CASK: variants seen among roughly 807,000 people sequenced by gnomAD.
CASK encodes calcium/calmodulin dependent serine protein kinase, also known as peripheral plasma membrane protein CASK.
In CASK, 4 loss-of-function variants were observed where a neutral mutation model predicts 82.9. That is an observed-to-expected ratio of 0.05 (90% CI 0.02 to 0.11). The LOEUF is 0.11. Among genes scored for constraint, CASK ranks in the 10% least tolerant of loss-of-function variants. CASK has a pLI of 1.00. For synonymous variants in CASK, 259 were observed against 253.5 expected, an observed-to-expected ratio of 1.02 and a Z score of -0.20; for missense variants, 358 against 720.9, an observed-to-expected ratio of 0.50 and a Z score of 5.76.
rs2070289123 is a variant in CASK, at chrX:41,811,636, G to A, written c.173-24353C>T. 3.6e-5 allele frequency among the ~76,000 whole-genome samples: 4 copies of A among 112,403 alleles called. No individual in the cohort carries two copies. The Admixed American group carries it at 3.8e-4, about 11-fold the overall frequency. ...CACTAAATGCCCACAAGAGAAAGCA[G>A]GAGAGATCTAAAATTGACACCCTAA... On this transcript the variant is annotated intron_variant, in intron 2 of 26. Coordinates refer to ENST00000378163, the MANE Select transcript of CASK (RefSeq NM_001367721.1).
At position 41,578,322 on chromosome X, in the gene CASK, C is replaced by A. The variant is rs749424020; in HGVS notation, c.1503+18G>T. The A allele has an allele frequency of 1.9e-5, 22 of 1,169,983 alleles. No homozygotes were observed. Among genetic ancestry groups the A allele is most frequent in the Non-Finnish European group, 2.6e-5 (22 of 858,517 alleles). On this transcript the variant is annotated intron_variant, in intron 15 of 26. Transcript: ENST00000378163. The stretch of plus-strand genomic sequence containing the variant: ...TGGGATCTTATGAGAGTATTGAAAA[C>A]TTTCTCTTCCTACTTACCATTGGTT...
At chrX:41,892,288 G>A (rs867262052) in intron 1 of CASK, among the ~76,000 whole-genome samples, 3 of 103,287 alleles carry the variant, frequency 2.9e-5, no homozygotes, top group Middle Eastern at 5.0e-3. Flanking sequence ...ATCTGATGTC[G>A]CCAAATATAC....
At chrX:41,909,585 A>C (rs1460920191) in intron 1 of CASK, among the ~76,000 whole-genome samples, 1 of 111,511 alleles carries the variant, frequency 9.0e-6, no homozygotes, top group Non-Finnish European at 1.9e-5. Context: ...AAAATCAAAG[A>C]AAAGTCAACA....
intron 1 of CASK, among the ~76,000 whole-genome samples, chrX:41,853,442 A>T (rs1449217732): frequency 1.8e-5 from 2 of 112,094 alleles, no homozygotes; most frequent in Non-Finnish European, 3.8e-5. Flanking sequence ...GATTACCAAA[A>T]CCATAAAAAT....
At chrX:41,851,214 T>G (rs11797813) in intron 2 of CASK, among the ~76,000 whole-genome samples, 21,336 of 111,012 alleles carry the variant, frequency 0.19, 1,645 homozygotes, top group Middle Eastern at 0.3. Context: ...AAAGAGTACA[T>G]GATTCTATTA....
chrX:41,834,590 T>C (rs2070893992), intron 2 of CASK, among the ~76,000 whole-genome samples: 1 of 110,960 alleles, frequency 9.0e-6, no homozygotes, highest in African/African-American at 3.3e-5. Context: ...TCTTGTTTAT[T>C]CCTCCCATAA....
intron 1 of CASK, among the ~76,000 whole-genome samples, chrX:41,897,990 A>G (rs1222426965): frequency 8.9e-6 from 1 of 111,739 alleles, no homozygotes; most frequent in Non-Finnish European, 1.9e-5. Context: ...GGCTTCATAA[A>G]ATGAGTTTGG....
intron 3 of CASK, among the ~76,000 whole-genome samples, chrX:41,769,645 C>A (rs1445817174): frequency 9.0e-6 from 1 of 110,973 alleles, no homozygotes; most frequent in East Asian, 2.8e-4. Flanking sequence ...GCAGTAGAAG[C>A]AGCAAATAAA....
intron 21 of CASK, among the ~76,000 whole-genome samples, chrX:41,553,381 C>T (rs1261020465): frequency 6.3e-5 from 7 of 111,133 alleles, no homozygotes; most frequent in East Asian, 2.8e-4. Flanking sequence ...GCAAGGAGAA[C>T]GTACATTTTT....
At chrX:41,711,988 G>A (rs933094771) in intron 5 of CASK, among the ~76,000 whole-genome samples, 1 of 112,894 alleles carries the variant, frequency 8.9e-6, no homozygotes, top group African/African-American at 3.2e-5. Context: ...GCTGAACGCA[G>A]GTACAAGCCA....
chrX:41,573,203 ATTTC>A (rs756061301), intron 15 of CASK, among the ~76,000 whole-genome samples: 5 of 93,723 alleles, frequency 5.3e-5, no homozygotes, highest in Non-Finnish European at 1.1e-4. Flanking sequence ...CTGTCTCCCA[ATTTC>A]TTTCTTTTTT....
At chrX:41,665,493 A>G (rs1484398378) in intron 6 of CASK, 41 bp from the exon 7 acceptor site, 3 of 1,068,500 alleles carry the variant, frequency 2.8e-6, no homozygotes, top group Non-Finnish European at 3.9e-6. Flanking sequence ...TTTACATAAA[A>G]TGGGATTTTC....
chrX:41,821,005 T>A (rs903294927), intron 2 of CASK, among the ~76,000 whole-genome samples: 4 of 109,693 alleles, frequency 3.6e-5, no homozygotes, highest in Non-Finnish European at 7.6e-5. Flanking sequence ...ATAAAGAAAA[T>A]TTTCACAAAT....
chrX:41,857,849 G>T (rs770107970), intron 1 of CASK, among the ~76,000 whole-genome samples: 1 of 111,830 alleles, frequency 8.9e-6, no homozygotes, highest in Non-Finnish European at 1.9e-5. Flanking sequence ...TTCCAGAAGT[G>T]GGGGTAAAGA....
At chrX:41,713,513 T>C (rs925732756) in intron 5 of CASK, among the ~76,000 whole-genome samples, 5 of 112,295 alleles carry the variant, frequency 4.5e-5, no homozygotes, top group African/African-American at 1.6e-4. Context: ...ACTGGCTTTA[T>C]GATGACTGAG....
intron 12 of CASK, among the ~76,000 whole-genome samples, chrX:41,603,152 G>T (rs930542964): frequency 6.2e-5 from 7 of 112,251 alleles, no homozygotes; most frequent in African/African-American, 2.3e-4. Context: ...ATGCAAATTG[G>T]CTGGACTACA....
intron 1 of CASK, among the ~76,000 whole-genome samples, chrX:41,874,275 AC>A (rs1287258057): frequency 9.0e-6 from 1 of 111,384 alleles, no homozygotes; most frequent in Admixed American, 9.5e-5. Flanking sequence ...GCACCTATCA[AC>A]CCATCACCTA....
At chrX:41,538,816 G>GCATT (rs1320120839) in intron 22 of CASK, among the ~76,000 whole-genome samples, 1 of 111,885 alleles carries the variant, frequency 8.9e-6, no homozygotes, top group African/African-American at 3.2e-5. Context: ...ATTCAAAAGA[G>GCATT]CATTGCACAC....
At position 41,676,361 on chromosome X, in the gene CASK, G is replaced by A. The variant is rs2067265058; in HGVS notation, c.430-4831C>T. 3 of 1,198,992 alleles carry A rather than the reference G, an allele frequency of 2.5e-6. No individual in the cohort carries two copies. In the East Asian group the frequency reaches 8.9e-5, roughly 35 times the overall value. ...TCCTAAAACATTTTTATAAGCAACT[G>A]AGAGAAGATTCCTCTCCTCATTGGA... On this transcript the variant is annotated intron_variant, in intron 5 of 26. Transcript: ENST00000378163.
Sources: gnomAD v4.1 joint callset for allele counts (sites outside exome capture counted in the v4.1 genomes callset) on GRCh38, gnomAD v4.1.1 for gene constraint, MANE v1.5 for transcripts, NCBI Gene and HGNC (gene_info 2026-07-23, HGNC 2026-07-21) for gene names.